The following TAF15 variants were observed in gnomAD, a reference collection of about 807,000 sequenced individuals.
TAF15 encodes the protein TATA-binding protein-associated factor 2N.
Under a neutral mutation model 102.5 loss-of-function variants are expected in TAF15, and 37 were observed. The observed-to-expected ratio is 0.36, with a 90% CI of 0.28 to 0.47. The LOEUF is 0.47. Ranked by LOEUF, TAF15 falls within the 20% of genes least tolerant of loss-of-function variation. The pLI, the probability that TAF15 is intolerant of heterozygous loss-of-function variation, is 0.99. For missense variants in TAF15, 652 were observed against 760.7 expected (o/e 0.86, Z 1.68); for synonymous variants, 273 against 259.2 (o/e 1.05, Z -0.51).
intron 8 of TAF15, 62 bp downstream of exon 8, chr17:35,834,003 A>G (rs2087439106): frequency 1.3e-6 from 2 of 1,572,316 alleles, no homozygotes; most frequent in Non-Finnish European, 1.7e-6. Context: ...AAAGCCACCA[A>G]TATCCCGCAG....
At chr17:35,831,275 C>CG (rs957819124) in intron 7 of TAF15, among the ~76,000 whole-genome samples, 10 of 151,826 alleles carry the variant, frequency 6.6e-5, no homozygotes, top group African/African-American at 2.4e-4. Context: ...GGCATGGTGG[C>CG]GGGCGCCTGT....
At chr17:35,817,423 T>C (rs2087208279) in intron 1 of TAF15, 2 of 376,956 alleles carry the variant, frequency 5.3e-6, no homozygotes, top group Non-Finnish European at 9.7e-6. Flanking sequence ...TATAATAATA[T>C]TGCTTAAGGT....
chr17:35,834,319 T>TA (rs1168219767), intron 8 of TAF15: 1 of 498,480 alleles, frequency 2.0e-6, no homozygotes, highest in Non-Finnish European at 3.5e-6. Flanking sequence ...ACAAAAGTGA[T>TA]ACTAGCATAA....
At chr17:35,809,822 G>A (rs555025104) in intron 1 of TAF15, 2 of 604,368 alleles carry the variant, frequency 3.3e-6, no homozygotes, top group Non-Finnish European at 5.9e-6. Flanking sequence ...CTTGGAACCC[G>A]AGGAGACTTG....
At chr17:35,829,860 C>T (rs576085656) in intron 7 of TAF15, among the ~76,000 whole-genome samples, 1 of 152,090 alleles carries the variant, frequency 6.6e-6, no homozygotes, top group South Asian at 2.1e-4. Context: ...ATGCAACTGG[C>T]TGGGCACATT....
intron 1 of TAF15, chr17:35,811,671 C>G (rs980114646): frequency 2.0e-5 from 3 of 152,192 alleles, no homozygotes; most frequent in South Asian, 4.1e-4. Context: ...CTCAACCACT[C>G]CAAAAAACCT....
At chr17:35,841,758 C>T (rs2087550407) in intron 11 of TAF15, among the ~76,000 whole-genome samples, 1 of 149,786 alleles carries the variant, frequency 6.7e-6, no homozygotes, top group Non-Finnish European at 1.5e-5. Flanking sequence ...TACACAGTGG[C>T]ACGAAGATAG....
intron 1 of TAF15, chr17:35,816,753 T>C (rs1022813799): frequency 3.9e-5 from 6 of 151,910 alleles, no homozygotes; most frequent in African/African-American, 1.5e-4. Context: ...TTTTGAAGTA[T>C]TGAGAAAAGC....
Position 35,834,481 on chromosome 17 carries a change from A to T in TAF15, c.641-85A>T. Reference sequence around the variant, plus strand: ...AGGATTTTGGAAGTATTGACTTTTCATGCCTTGGTTTATTACTATTTTTTT... The same window carrying T: ...AGGATTTTGGAAGTATTGACTTTTCTTGCCTTGGTTTATTACTATTTTTTT... On this transcript the variant is annotated intron_variant, in intron 8 of 15. Transcript: ENST00000605844. The T allele has an allele frequency of 1.3e-5, 17 of 1,308,226 alleles. No homozygotes were observed. In the South Asian group the frequency reaches 1.7e-4, roughly 13 times the overall value. The allele number at this position is 1,308,226 out of a possible 1,614,324, so 81.0% of individuals were successfully genotyped here.
At position 35,837,340 on chromosome 17, in the gene TAF15, G is replaced by A. The variant is rs138540171; in HGVS notation, c.784-1084G>A. On this transcript the variant is annotated intron_variant, in intron 10 of 15. Coordinates refer to ENST00000605844, the MANE Select transcript of TAF15 (RefSeq NM_139215.3). ...CTAGTTAAAAATTTTTTTTTTTAGA[G>A]ATGGAGTCTCCCTATTATTGCCCAG... Among the ~76,000 whole-genome samples the A allele has an allele frequency of 6.9e-3, 1,029 of 150,164 alleles. 8 individuals are homozygous for A. Among genetic ancestry groups the A allele is most frequent in the African/African-American group, 0.024 (975 of 40,810 alleles).
chr17:35,836,249 A>C lies in TAF15; in HGVS notation c.783+8A>C, dbSNP rs1414398782. On this transcript the variant is annotated splice_region_variant and intron_variant, in intron 10 of 15. Transcript: ENST00000605844. ...CAAATAGGAATTATCAAGGTGAGTA[A>C]AAATATTATATGTTGAAAATCTCAT... 6.5e-7 allele frequency: 1 copy of C among 1,530,640 alleles called. No homozygotes were observed. The highest frequency in any genetic ancestry group is 1.1e-5 in the South Asian group (1 of 89,156). 94.8% of individuals were successfully genotyped at this position (1,530,640 alleles called of 1,614,324 possible).
Position 35,809,485 on chromosome 17 carries a change from G to GT in TAF15, c.-84dup. The GT allele has an allele frequency of 6.3e-7, 1 of 1,595,010 alleles. No homozygotes were observed. On this transcript the variant is annotated 5_prime_UTR_variant, in exon 1 of 16. Coordinates refer to ENST00000605844, the MANE Select transcript of TAF15 (RefSeq NM_139215.3). Reference sequence around the variant, plus strand: ...GCCTCAGCCCGCCGCGCCGCCCTCAGTACAGCTCCGGCCGCCGCGCCGCCT... The same window carrying GT: ...GCCTCAGCCCGCCGCGCCGCCCTCAGTTACAGCTCCGGCCGCCGCGCCGCCT...
At chr17:35,831,406 CAAAA>C (rs768297689) in intron 7 of TAF15, among the ~76,000 whole-genome samples, 5 of 77,520 alleles carry the variant, frequency 6.4e-5, no homozygotes, top group Admixed American at 2.7e-4. Context: ...GACTCCGTCG[CAAAA>C]AAAAAAAAAA....
At chr17:35,834,740 C>CTTTTTT (rs533058888) in intron 9 of TAF15, 142 bp downstream of exon 9, 2,779 of 236,074 alleles carry the variant, frequency 0.012, 122 homozygotes, top group African/African-American at 0.027. Context: ...AGCTTTATTT[C>CTTTTTT]TTTTTTTTTT....
At chr17:35,825,920 C>T (rs181968393) in intron 7 of TAF15, among the ~76,000 whole-genome samples, 268 of 151,904 alleles carry the variant, frequency 1.8e-3, no homozygotes, top group Admixed American at 4.4e-3. Flanking sequence ...TGCCACTGCA[C>T]TCCAGCCTGG....
Position 35,809,498 on chromosome 17 carries a change from C to A in TAF15, c.-72C>A, listed in dbSNP as rs561804318. ...GCGCCGCCCTCAGTACAGCTCCGGC[C>A]GCCGCGCCGCCTGGCTTTCGTATTC... On this transcript the variant is annotated 5_prime_UTR_variant, in exon 1 of 16. Coordinates refer to ENST00000605844, the MANE Select transcript of TAF15 (RefSeq NM_139215.3). The A allele has an allele frequency of 8.4e-5, 135 of 1,607,056 alleles. No homozygotes were observed. In the East Asian group the frequency reaches 2.1e-3, roughly 25 times the overall value.
At chr17:35,822,502 C>T (rs2087273490) in intron 5 of TAF15, 138 bp from the exon 6 acceptor site, 5 of 750,288 alleles carry the variant, frequency 6.7e-6, no homozygotes, top group Non-Finnish European at 1.1e-5. Context: ...CTGCAGATAA[C>T]TAATTACCAT....
At chr17:35,822,133 G>C (rs2087267614) in intron 5 of TAF15, among the ~76,000 whole-genome samples, 2 of 151,900 alleles carry the variant, frequency 1.3e-5, no homozygotes, top group South Asian at 4.2e-4. Flanking sequence ...CGTGAGGTCA[G>C]GAGTTAAAGA....
intron 8 of TAF15, 85 bp downstream of exon 8, chr17:35,834,026 G>A: frequency 2.1e-6 from 3 of 1,451,682 alleles, no homozygotes; most frequent in South Asian, 2.3e-5. Context: ...GTAGTCAAAA[G>A]TCCTTTCTTA....
Sources: gnomAD v4.1 joint callset for allele counts (sites outside exome capture counted in the v4.1 genomes callset) on GRCh38, gnomAD v4.1.1 for gene constraint, MANE v1.5 for transcripts, NCBI Gene and HGNC (gene_info 2026-07-23, HGNC 2026-07-21) for gene names.